NLGN1: variants seen among roughly 807,000 people sequenced by gnomAD.
NLGN1 encodes the protein neuroligin 1.
A neutral mutation model predicts 65.5 loss-of-function variants in NLGN1; 12 were observed. That is an observed-to-expected ratio of 0.18 (90% CI 0.12 to 0.30). The LOEUF (loss-of-function observed/expected upper bound fraction) is 0.30. Ranked by LOEUF, NLGN1 falls within the 10% of genes least tolerant of loss-of-function variation. The probability of loss-of-function intolerance (pLI) is 1.00; values close to 1 mark genes in which losing one functional copy is unlikely to be tolerated. For missense variants in NLGN1, 750 were observed against 1,007.1 expected (o/e 0.74, Z 3.46); for synonymous variants, 350 against 359.5 (o/e 0.97, Z 0.30).
intron 4 of NLGN1, among the ~76,000 whole-genome samples, chr3:173,985,559 G>A (rs1719704121): frequency 1.3e-5 from 2 of 152,134 alleles, no homozygotes; most frequent in Admixed American, 1.3e-4. Flanking sequence ...ACCATCACTG[G>A]CACAATATTG....
intron 2 of NLGN1, among the ~76,000 whole-genome samples, chr3:173,507,289 A>C (rs139546670): frequency 1.1e-3 from 167 of 152,168 alleles, no homozygotes; most frequent in African/African-American, 3.8e-3. Flanking sequence ...TCACACTGAG[A>C]GTGGAGGAAT....
intron 4 of NLGN1, among the ~76,000 whole-genome samples, chr3:173,931,437 C>T (rs1744076559): frequency 6.6e-6 from 1 of 152,042 alleles, no homozygotes; most frequent in African/African-American, 2.4e-5. Context: ...TCATGGAAGG[C>T]TTCAATGAGG....
intron 2 of NLGN1, among the ~76,000 whole-genome samples, chr3:173,452,202 CT>C (rs572500549): frequency 4.7e-4 from 69 of 146,388 alleles, no homozygotes; most frequent in African/African-American, 4.1e-4. Context: ...TCTTGGCTTC[CT>C]TTTTTTTTTT....
chr3:173,419,906 G>C (rs765683438), intron 1 of NLGN1, among the ~76,000 whole-genome samples: 1 of 151,966 alleles, frequency 6.6e-6, no homozygotes. Flanking sequence ...CCAGGAGGCA[G>C]AAGTTGCAGT....
intron 3 of NLGN1, among the ~76,000 whole-genome samples, chr3:173,799,805 A>G (rs1207256084): frequency 6.6e-6 from 1 of 151,946 alleles, no homozygotes; most frequent in Non-Finnish European, 1.5e-5. Context: ...ATGTTCTTAA[A>G]AAAAAGAAGA....
intron 4 of NLGN1, among the ~76,000 whole-genome samples, chr3:174,137,043 C>T (rs1426830276): frequency 6.6e-6 from 1 of 151,992 alleles, no homozygotes; most frequent in Non-Finnish European, 1.5e-5. Flanking sequence ...AACAAAAAGC[C>T]TATATATATG....
intron 2 of NLGN1, among the ~76,000 whole-genome samples, chr3:173,553,539 GT>G (rs1202259712): frequency 1.3e-5 from 2 of 152,160 alleles, no homozygotes; most frequent in Non-Finnish European, 2.9e-5. Context: ...CATGGGCTCT[GT>G]TGAAAGAGCC....
chr3:173,789,907 A>T, intron 3 of NLGN1: 2 of 510,896 alleles, frequency 3.9e-6, no homozygotes, highest in Non-Finnish European at 7.8e-6. Context: ...CAGCATCTCT[A>T]TTGAGGACAA....
chr3:173,713,028 T>C (rs1456686190), intron 3 of NLGN1, among the ~76,000 whole-genome samples: 2 of 152,120 alleles, frequency 1.3e-5, no homozygotes, highest in Non-Finnish European at 2.9e-5. Flanking sequence ...TCTAAGAGAT[T>C]ATATTCATCA....
At chr3:174,112,275 A>G (rs1197324493) in intron 4 of NLGN1, among the ~76,000 whole-genome samples, 2 of 151,976 alleles carry the variant, frequency 1.3e-5, no homozygotes, top group African/African-American at 2.4e-5. Flanking sequence ...ATTGAAATAG[A>G]TAAGATGATT....
chr3:174,205,986 C>A (rs1036915665), intron 4 of NLGN1, among the ~76,000 whole-genome samples: 1 of 152,116 alleles, frequency 6.6e-6, no homozygotes, highest in African/African-American at 2.4e-5. Flanking sequence ...TTTTAATCAA[C>A]ATAGATGGAG....
chr3:173,547,107 T>C (rs570182061), intron 2 of NLGN1, among the ~76,000 whole-genome samples: 1 of 152,312 alleles, frequency 6.6e-6, no homozygotes, highest in African/African-American at 2.4e-5. Flanking sequence ...AACTTGGGAC[T>C]CGAAAGACTT....
chr3:173,441,005 C>T (rs1164858054), intron 2 of NLGN1, among the ~76,000 whole-genome samples: 2 of 151,980 alleles, frequency 1.3e-5, no homozygotes, highest in Admixed American at 6.6e-5. Flanking sequence ...AATGGTGCAG[C>T]TTCTACACCA....
intron 3 of NLGN1, among the ~76,000 whole-genome samples, chr3:173,660,781 T>A (rs1195410455): frequency 1.3e-5 from 2 of 151,978 alleles, no homozygotes; most frequent in Non-Finnish European, 2.9e-5. Context: ...CACTGTCAAG[T>A]CCTTTTGACT....
chr3:173,599,677 T>C (rs1750106360), intron 2 of NLGN1, among the ~76,000 whole-genome samples: 1 of 152,146 alleles, frequency 6.6e-6, no homozygotes, highest in African/African-American at 2.4e-5. Flanking sequence ...TGGCCTGACT[T>C]CAAACAACCC....
rs1022746585 is a variant in NLGN1, at chr3:173,451,225, C to T, written c.-321+16147C>T. Among the ~76,000 whole-genome samples the T allele has an allele frequency of 2.6e-5, 4 of 152,160 alleles. No individual in the cohort carries two copies. The East Asian group carries it at 7.7e-4, about 29-fold the overall frequency. ...TTTGGTCTTTGATGATCGTGACGTA[C>T]AGATGGGTTTTTGGTGTGGATGTCC... On this transcript the variant is annotated intron_variant, in intron 2 of 6. Transcript: ENST00000457714.
At chr3:173,497,413 T>A (rs367610004) in intron 2 of NLGN1, among the ~76,000 whole-genome samples, 10 of 150,970 alleles carry the variant, frequency 6.6e-5, no homozygotes, top group African/African-American at 2.0e-4. Context: ...AATAAATAAA[T>A]AAATAAATTC....
intron 2 of NLGN1, among the ~76,000 whole-genome samples, chr3:173,516,435 T>C: frequency 6.6e-6 from 1 of 152,026 alleles, no homozygotes; most frequent in East Asian, 1.9e-4. Context: ...TCTCCTACAA[T>C]ATACTCCTCT....
intron 4 of NLGN1, among the ~76,000 whole-genome samples, chr3:173,996,072 G>C (rs763375992): frequency 1.3e-5 from 2 of 152,118 alleles, no homozygotes; most frequent in Non-Finnish European, 2.9e-5. Context: ...AAACAGTAGA[G>C]TATCAGTCTA....
Sources: gnomAD v4.1 joint callset for allele counts (sites outside exome capture counted in the v4.1 genomes callset) on GRCh38, gnomAD v4.1.1 for gene constraint, MANE v1.5 for transcripts, NCBI Gene and HGNC (gene_info 2026-07-23, HGNC 2026-07-21) for gene names.